Variants in ATP10B observed in about 807,000 individuals in gnomAD.
ATP10B encodes ATPase phospholipid transporting 10B (putative).
Under a neutral mutation model 141.2 loss-of-function variants are expected in ATP10B, and 122 were observed. The observed-to-expected ratio is 0.86, with a 90% CI of 0.75 to 1.00. The LOEUF (loss-of-function observed/expected upper bound fraction) is 1.00, where lower values mean the gene tolerates loss of function less well. ATP10B is among the 50% of genes least tolerant of loss of function. The pLI is 0.00. For synonymous variants in ATP10B, 685 were observed against 692.0 expected (o/e 0.99, Z 0.16); for missense variants, 1,876 against 1,825.3 (o/e 1.03, Z -0.51).
chr5:160,750,811 A>T (rs1768102066), intron 2 of ATP10B, among the ~76,000 whole-genome samples: 1 of 151,888 alleles, frequency 6.6e-6, no homozygotes, highest in Non-Finnish European at 1.5e-5. Flanking sequence ...CTCAAGCTCC[A>T]CTCCAGCCGG....
chr5:160,721,561 C>T (rs1242699808), intron 2 of ATP10B, among the ~76,000 whole-genome samples: 2 of 152,020 alleles, frequency 1.3e-5, no homozygotes, highest in African/African-American at 4.8e-5. Context: ...GACTGGGAGA[C>T]TGATGAGAGG....
chr5:160,732,586 C>A (rs141797028), intron 2 of ATP10B, among the ~76,000 whole-genome samples: 1 of 152,148 alleles, frequency 6.6e-6, no homozygotes, highest in African/African-American at 2.4e-5. Flanking sequence ...TTCTTGGCAA[C>A]GTTGTCAAGT....
At chr5:160,883,305 G>A in the ATP10B span, among the ~76,000 whole-genome samples, 1 of 152,156 alleles carries the variant, frequency 6.6e-6, no homozygotes, top group Non-Finnish European at 1.5e-5. Flanking sequence ...CAGCCCATCT[G>A]TATATGGTTA....
intron 1 of ATP10B, among the ~76,000 whole-genome samples, chr5:160,848,406 A>G (rs1413903774): frequency 2.0e-5 from 3 of 152,246 alleles, no homozygotes; most frequent in Non-Finnish European, 4.4e-5. Context: ...AGCACAGCTA[A>G]GAAAATAGCA....
the ATP10B span, among the ~76,000 whole-genome samples, chr5:160,901,427 A>G: frequency 1.3e-5 from 2 of 152,210 alleles, no homozygotes; most frequent in African/African-American, 4.8e-5. Flanking sequence ...CATTAAATTA[A>G]AAGTAGTTAG....
At chr5:160,926,461 G>A in the ATP10B span, among the ~76,000 whole-genome samples, 1 of 152,166 alleles carries the variant, frequency 6.6e-6, no homozygotes, top group Non-Finnish European at 1.5e-5. Flanking sequence ...ATGAAGACTA[G>A]CGCAGGGAAA....
chr5:160,670,558 A>AG lies in ATP10B; in HGVS notation c.579dup (p.Ser194LeufsTer2), dbSNP rs1475122225. On this transcript the variant is annotated frameshift_variant, in exon 7 of 26. Coordinates refer to ENST00000327245, the MANE Select transcript of ATP10B (RefSeq NM_025153.3). LOFTEE classifies it high-confidence loss of function. ...AGATGGCATATCCCATTGGGGTCAGAGGAAAAAAGGAGGAGTATGTCTGCT... is the reference window on the plus strand; with the variant it reads ...AGATGGCATATCCCATTGGGGTCAGAGGGAAAAAAGGAGGAGTATGTCTGCT... 6.2e-7 allele frequency: 1 copy of AG among 1,614,032 alleles called. No homozygotes were observed. Among genetic ancestry groups the AG allele is most frequent in the Admixed American group, 1.7e-5 (1 of 60,006 alleles).
chr5:160,633,858 C>A, intron 12 of ATP10B: 1 of 286,170 alleles, frequency 3.5e-6, no homozygotes, highest in Non-Finnish European at 6.8e-6. Context: ...CATTTTATAG[C>A]CCTATCTCCT....
intron 3 of ATP10B, among the ~76,000 whole-genome samples, chr5:160,694,774 C>T (rs1158930805): frequency 2.0e-5 from 3 of 152,222 alleles, no homozygotes; most frequent in Non-Finnish European, 4.4e-5. Context: ...AAAACCTACC[C>T]ATGCATCCCT....
At chr5:160,716,778 C>T in intron 3 of ATP10B, 131 bp downstream of exon 3, 1 of 608,836 alleles carries the variant, frequency 1.6e-6, no homozygotes, top group Non-Finnish European at 2.1e-6. Flanking sequence ...TTTTCTGTTC[C>T]ATCATCCTTA....
At chr5:160,825,404 G>A (rs1028259346) in intron 1 of ATP10B, among the ~76,000 whole-genome samples, 2 of 152,134 alleles carry the variant, frequency 1.3e-5, no homozygotes, top group African/African-American at 4.8e-5. Context: ...GATTTTATAA[G>A]GGGAAACCCT....
intron 2 of ATP10B, among the ~76,000 whole-genome samples, chr5:160,765,452 A>G (rs372555133): frequency 1.4e-4 from 22 of 152,176 alleles, no homozygotes; most frequent in African/African-American, 4.8e-4. Context: ...AAACAAAAAC[A>G]TAAAATGGGG....
At chr5:160,926,470 A>T in the ATP10B span, among the ~76,000 whole-genome samples, 212 of 152,350 alleles carry the variant, frequency 1.4e-3, no homozygotes, top group Non-Finnish European at 2.5e-3. Flanking sequence ...AGCGCAGGGA[A>T]ATAGAACAAG....
intron 2 of ATP10B, among the ~76,000 whole-genome samples, chr5:160,722,710 T>TCAC (rs1766070677): frequency 6.6e-6 from 1 of 152,184 alleles, no homozygotes; most frequent in Non-Finnish European, 1.5e-5. Context: ...CCAACACTCT[T>TCAC]CACCCTGACA....
intron 2 of ATP10B, among the ~76,000 whole-genome samples, chr5:160,783,596 C>CAT (rs1554115731): frequency 9.6e-6 from 1 of 104,630 alleles, no homozygotes; most frequent in Non-Finnish European, 2.1e-5. Context: ...CACACACACA[C>CAT]ATACACACAC....
At chr5:160,927,136 A>C in the ATP10B span, among the ~76,000 whole-genome samples, 2 of 152,178 alleles carry the variant, frequency 1.3e-5, no homozygotes, top group African/African-American at 4.8e-5. Context: ...GCTCATAGAA[A>C]CACCTTGGAT....
At chr5:160,767,240 C>T (rs1321551757) in intron 2 of ATP10B, among the ~76,000 whole-genome samples, 2 of 152,110 alleles carry the variant, frequency 1.3e-5, no homozygotes, top group Non-Finnish European at 2.9e-5. Flanking sequence ...ATATTCTCTT[C>T]TTTGAATTTG....
chr5:160,578,770 T>A (rs969471193), intron 24 of ATP10B, among the ~76,000 whole-genome samples: 2 of 152,212 alleles, frequency 1.3e-5, no homozygotes, highest in African/African-American at 4.8e-5. Flanking sequence ...CGCCACACTG[T>A]CTTCCACAAT....
Position 160,569,661 on chromosome 5 carries a change from A to G in ATP10B, c.3773T>C (p.Leu1258Pro). 6.3e-7 allele frequency: 1 copy of G among 1,587,252 alleles called. No individual in the cohort carries two copies. Among genetic ancestry groups the G allele is most frequent in the Non-Finnish European group, 8.6e-7 (1 of 1,167,594 alleles). ...KTWTIFHGVV[L>P]LGSFLMYFLV... ...AAAGTACATCAGGAAGCTGCCGAGGAGCACGACTCCGTGGAAAATGGTCTG... is the reference window on the plus strand; with the variant it reads ...AAAGTACATCAGGAAGCTGCCGAGGGGCACGACTCCGTGGAAAATGGTCTG... The change falls in exon 25 of 26, where the codon CTC becomes CCC. Residue 1258 changes from leucine to proline, a missense_variant. Coordinates refer to ENST00000327245, the MANE Select transcript of ATP10B (RefSeq NM_025153.3).
Sources: gnomAD v4.1 joint callset for allele counts (sites outside exome capture counted in the v4.1 genomes callset) on GRCh38, gnomAD v4.1.1 for gene constraint, MANE v1.5 for transcripts, NCBI Gene and HGNC (gene_info 2026-07-23, HGNC 2026-07-21) for gene names.